Variants in TNRC6A observed in about 807,000 individuals in gnomAD.
The protein encoded by TNRC6A is trinucleotide repeat-containing gene 6A protein.
A neutral mutation model predicts 221.2 loss-of-function variants in TNRC6A; 44 were observed. The observed-to-expected ratio is 0.20, with a 90% CI of 0.16 to 0.26. The LOEUF is 0.26. TNRC6A is among the 10% of genes least tolerant of loss of function. The pLI, the probability that TNRC6A is intolerant of heterozygous loss-of-function variation, is 1.00. For missense variants in TNRC6A, 2,199 were observed against 2,404.4 expected, an observed-to-expected ratio of 0.91 and a Z score of 1.79; for synonymous variants, 847 against 838.5, an observed-to-expected ratio of 1.01 and a Z score of -0.18.
chr16:24,750,446 C>T (rs2057110163), intron 2 of TNRC6A, among the ~76,000 whole-genome samples: 1 of 152,036 alleles, frequency 6.6e-6, no homozygotes, highest in South Asian at 2.1e-4. Context: ...GAGGAAATTG[C>T]TTGTTTCCCA....
chr16:24,681,243 T>C (rs1388346560), intron 2 of TNRC6A, among the ~76,000 whole-genome samples: 1 of 152,192 alleles, frequency 6.6e-6, no homozygotes, highest in African/African-American at 2.4e-5. Context: ...TGTTTGTTTG[T>C]TTGAGACCGA....
chr16:24,805,677 G>A lies in TNRC6A; in HGVS notation c.4195G>A (p.Ala1399Thr). ...TCCACTCTTTGGCCCTCAACAGGTAGCCATGCTGAACCAGCTATCCCAGCT... is the reference window on the plus strand; with the variant it reads ...TCCACTCTTTGGCCCTCAACAGGTAACCATGCTGAACCAGCTATCCCAGCT... ...LNPLFGPQQV[A>T]MLNQLSQLNQ... Residue 1399 changes from alanine (A) to threonine (T), a missense_variant, in exon 15 of 25, where the codon GCC (alanine) becomes ACC (threonine). Ala to Thr is a moderately conservative substitution (Grantham distance 58). This residue lies in a region of TNRC6A where 449 missense variants were observed against 579.7 expected (regional missense o/e 0.77). Coordinates refer to ENST00000395799, the MANE Select transcript of TNRC6A (RefSeq NM_014494.4). 1.9e-6 allele frequency: 3 copies of A among 1,614,210 alleles called. No individual in the cohort carries two copies. Among genetic ancestry groups the A allele is most frequent in the Non-Finnish European group, 2.5e-6 (3 of 1,180,016 alleles).
intron 2 of TNRC6A, among the ~76,000 whole-genome samples, chr16:24,710,726 C>CTT (rs924997875): frequency 6.9e-6 from 1 of 145,482 alleles, no homozygotes; most frequent in Non-Finnish European, 1.5e-5. Flanking sequence ...TCTCATCAAA[C>CTT]TTTTTTTTTT....
rs552264419 is a variant in TNRC6A at position 24,705,299 on chromosome 16, T to A, written n.403-45427T>A. ...CCAGCCAGGATGGCCTCTCAAACTC[T>A]ATCTTATACAGACTATCTATTGATA... On this transcript the variant is annotated intron_variant and non_coding_transcript_variant, in intron 2 of 2. Transcript: ENST00000566108. 1.2e-3 allele frequency among the ~76,000 whole-genome samples: 176 copies of A among 152,210 alleles called. 1 individual carries two copies. Among genetic ancestry groups the A allele is most frequent in the Admixed American group, 2.2e-3 (34 of 15,262 alleles).
At chr16:24,623,194 C>CTTACTTAT (rs1900772589) in intron 1 of TNRC6A, among the ~76,000 whole-genome samples, 1 of 137,248 alleles carries the variant, frequency 7.3e-6, no homozygotes, top group African/African-American at 2.8e-5. Flanking sequence ...TATTTATTTA[C>CTTACTTAT]TTATTTTATT....
rs36106864 is a variant in TNRC6A at position 24,645,834 on chromosome 16, C to CAAAAAAAAAAAAAAAAAAAAAAAAAAAAA, written n.402+4830_402+4858dup. Among the ~76,000 whole-genome samples, 11 of 26,642 alleles carry CAAAAAAAAAAAAAAAAAAAAAAAAAAAAA rather than the reference C, an allele frequency of 4.1e-4. 2 individuals are homozygous for CAAAAAAAAAAAAAAAAAAAAAAAAAAAAA. The highest frequency in any genetic ancestry group is 6.2e-4 in the African/African-American group (5 of 8,104). 17.5% of individuals were successfully genotyped at this position (26,642 alleles called of 152,430 possible). A position where few individuals can be genotyped will look rare whatever the true frequency, so the allele number is the denominator to read the frequency against. On this transcript the variant is annotated intron_variant and non_coding_transcript_variant, in intron 2 of 2. Transcript: ENST00000566108. The stretch of plus-strand genomic sequence containing the variant: ...GAAACATGACAAGACCCTGTATCTA[C>CAAAAAAAAAAAAAAAAAAAAAAAAAAAAA]AAAAAAAAAAAAAAAAAAAAAAAAA...
At chr16:24,796,426 G>A (rs2058220661) in intron 9 of TNRC6A, 1 of 152,918 alleles carries the variant, frequency 6.5e-6, no homozygotes, top group Non-Finnish European at 1.5e-5. Flanking sequence ...GCAGAGGGGA[G>A]ACCACAGTTA....
At chr16:24,750,638 A>G (rs147088645) in intron 2 of TNRC6A, 88 bp from the exon 3 acceptor site, 229 of 1,357,268 alleles carry the variant, frequency 1.7e-4, no homozygotes, top group Middle Eastern at 2.0e-4. Flanking sequence ...TTCTAATAAG[A>G]GTGAAAAAGT....
chr16:24,675,688 CTCTCTCTCTCTCTCTATATATATA>C (rs1182101259), intron 2 of TNRC6A, among the ~76,000 whole-genome samples: 49 of 86,106 alleles, frequency 5.7e-4, no homozygotes, highest in African/African-American at 1.8e-3. Context: ...CTCTCTCTCT[CTCTCTCTCTCTCTCTATATATATA>C]TATATATATA....
At chr16:24,805,848 C>G in intron 15 of TNRC6A, 115 bp downstream of exon 15, 1 of 1,326,718 alleles carries the variant, frequency 7.5e-7, no homozygotes, top group Non-Finnish European at 1.1e-6. Context: ...AGTCATAGTC[C>G]TCATGGAGCT....
rs755356378 is a variant in TNRC6A, at chr16:24,790,599, A to G, written c.1957A>G (p.Thr653Ala). ...TGAGGAAGAGGATCAGGGTTCTGCC[A>G]CATCTCAGACAAATGAGCAAAGCAG... ...STEEEDQGSA[T>A]SQTNEQSSVW... Residue 653 changes from threonine to alanine, a missense_variant, in exon 6 of 25, where the codon ACA becomes GCA. Coordinates refer to ENST00000395799, the MANE Select transcript of TNRC6A (RefSeq NM_014494.4). 2.5e-6 allele frequency: 4 copies of G among 1,614,252 alleles called. No individual in the cohort carries two copies. The African/African-American group carries it at 5.3e-5, about 22-fold the overall frequency.
intron 9 of TNRC6A, 96 bp downstream of exon 9, chr16:24,796,035 G>T: frequency 7.2e-7 from 1 of 1,392,118 alleles, no homozygotes. Context: ...TGTGTGCCAG[G>T]TACTGTGCTT....
chr16:24,815,290 G>C lies in TNRC6A; in HGVS notation c.4816G>C (p.Val1606Leu), dbSNP rs1252563935. The C allele has an allele frequency of 6.2e-7, 1 of 1,614,228 alleles. No homozygotes were observed. Among genetic ancestry groups the C allele is most frequent in the Admixed American group, 1.7e-5 (1 of 60,030 alleles). Residue 1606 changes from valine to leucine, a missense_variant, in exon 19 of 25, where the codon GTT becomes CTT. This residue lies in a region of TNRC6A where 449 missense variants were observed against 579.7 expected (regional missense o/e 0.77). Coordinates refer to ENST00000395799, the MANE Select transcript of TNRC6A (RefSeq NM_014494.4). ...CAAATCGCCTAACGGCTCTAGCAGTGTTAATTGGCCACCAGGTAAAATTTT... is the reference window on the plus strand; with the variant it reads ...CAAATCGCCTAACGGCTCTAGCAGTCTTAATTGGCCACCAGGTAAAATTTT... ...RAKSPNGSSS[V>L]NWPPEFRPGE... is the part of the protein sequence containing the mutation.
At chr16:24,647,896 C>A (rs992641022) in intron 2 of TNRC6A, among the ~76,000 whole-genome samples, 4 of 152,092 alleles carry the variant, frequency 2.6e-5, no homozygotes, top group African/African-American at 9.7e-5. Context: ...CAGGCGTGAG[C>A]CACTGCACCC....
intron 2 of TNRC6A, among the ~76,000 whole-genome samples, chr16:24,705,083 A>G (rs1369990640): frequency 6.6e-6 from 1 of 152,226 alleles, no homozygotes; most frequent in East Asian, 1.9e-4. Flanking sequence ...TATGGTATTT[A>G]CTATGAACCA....
Position 24,733,973 on chromosome 16 carries a change from A to C in TNRC6A, c.53+3673A>C, listed in dbSNP as rs1414105961. On this transcript the variant is annotated intron_variant, in intron 2 of 24. Transcript: ENST00000395799. ...GGAGGATTGAGCCCAGGAGTTTGAG[A>C]CCAGCCTGTGCAACATGATAAGACT... Among the ~76,000 whole-genome samples the C allele has an allele frequency of 2.6e-5, 4 of 152,130 alleles. No homozygotes were observed. In the South Asian group the frequency reaches 8.3e-4, roughly 32 times the overall value.
At chr16:24,649,935 C>T (rs1902544922) in intron 2 of TNRC6A, among the ~76,000 whole-genome samples, 1 of 150,756 alleles carries the variant, frequency 6.6e-6, no homozygotes, top group African/African-American at 2.4e-5. Context: ...GTGATTCTCC[C>T]ACCTCAGTCT....
In TNRC6A at chr16:24,764,148, T is replaced by G. The variant is rs562351397; in HGVS notation, c.163+5788T>G. On this transcript the variant is annotated intron_variant, in intron 4 of 24. Transcript: ENST00000395799. Reference sequence around the variant, plus strand: ...TTCTCTGTTTCTATGTATTTGACTGTTTTTTTTTTTTAAGATTCCACTTGT... The same window carrying G: ...TTCTCTGTTTCTATGTATTTGACTGGTTTTTTTTTTTAAGATTCCACTTGT... Among the ~76,000 whole-genome samples the G allele has an allele frequency of 6.4e-3, 585 of 91,234 alleles. 2 individuals are homozygous for G. Among genetic ancestry groups the G allele is most frequent in the Non-Finnish European group, 0.014 (442 of 31,302 alleles). 59.9% of individuals were successfully genotyped at this position (91,234 alleles called of 152,430 possible).
chr16:24,696,300 A>G (rs2055858447), intron 2 of TNRC6A, among the ~76,000 whole-genome samples: 1 of 148,502 alleles, frequency 6.7e-6, no homozygotes, highest in African/African-American at 2.5e-5. Flanking sequence ...GTGAGCCCAG[A>G]TCGCGCCACT....
Sources: gnomAD v4.1 joint callset for allele counts (sites outside exome capture counted in the v4.1 genomes callset) on GRCh38, gnomAD v4.1.1 for gene constraint, gnomAD v4.1.1 regional missense constraint, MANE v1.5 for transcripts, NCBI Gene and HGNC (gene_info 2026-07-23, HGNC 2026-07-21) for gene names.